The following PXDNL variants were observed in gnomAD, a reference collection of about 807,000 sequenced individuals.
PXDNL encodes probable oxidoreductase PXDNL.
In PXDNL, 145 loss-of-function variants were observed where a neutral mutation model predicts 150.8. The observed-to-expected ratio is 0.96, with a 90% CI of 0.84 to 1.10. The LOEUF is 1.10. Among genes scored for constraint, PXDNL ranks in the 50% least tolerant of loss-of-function variants. The pLI is 0.00. For missense variants in PXDNL, 2,087 were observed against 1,873.9 expected (o/e 1.11, Z -2.10); for synonymous variants, 757 against 725.7 (o/e 1.04, Z -0.69).
intron 1 of PXDNL, among the ~76,000 whole-genome samples, chr8:51,788,096 C>G (rs2037477030): frequency 6.6e-6 from 1 of 152,192 alleles, no homozygotes; most frequent in African/African-American, 2.4e-5. Flanking sequence ...TAATAGGCTA[C>G]AATATAGTGT....
At chr8:51,594,712 C>G (rs942222255) in intron 2 of PXDNL, among the ~76,000 whole-genome samples, 15 of 152,086 alleles carry the variant, frequency 9.9e-5, no homozygotes, top group African/African-American at 2.9e-4. Context: ...TATTTCTTGT[C>G]AAGTTTTATT....
intron 17 of PXDNL, among the ~76,000 whole-genome samples, chr8:51,399,303 A>G (rs28445664): frequency 0.013 from 2,005 of 152,328 alleles, 40 homozygotes; most frequent in African/African-American, 0.045. Flanking sequence ...GCAGTTATTC[A>G]GAAGAGATAA....
intron 17 of PXDNL, among the ~76,000 whole-genome samples, chr8:51,402,684 T>C (rs1309024218): frequency 1.3e-5 from 2 of 152,220 alleles, no homozygotes; most frequent in African/African-American, 4.8e-5. Context: ...AAATGGCCCA[T>C]GGCCTCTCTG....
At chr8:51,501,536 A>G (rs1222258883) in intron 4 of PXDNL, among the ~76,000 whole-genome samples, 1 of 151,838 alleles carries the variant, frequency 6.6e-6, no homozygotes, top group Non-Finnish European at 1.5e-5. Context: ...ACACTCTCAC[A>G]TACACTAACA....
intron 1 of PXDNL, among the ~76,000 whole-genome samples, chr8:51,787,876 A>G (rs1217140754): frequency 6.6e-6 from 1 of 152,220 alleles, no homozygotes; most frequent in Non-Finnish European, 1.5e-5. Flanking sequence ...AAACTTCCTC[A>G]TCTTATTTTA....
At chr8:51,322,520 G>A (rs1385859599) in intron 21 of PXDNL, among the ~76,000 whole-genome samples, 4 of 152,068 alleles carry the variant, frequency 2.6e-5, no homozygotes, top group Non-Finnish European at 5.9e-5. Context: ...CAGTCTCCAG[G>A]CAATGGGAAA....
chr8:51,396,341 G>A (rs6997365), intron 17 of PXDNL, among the ~76,000 whole-genome samples: 22,506 of 152,228 alleles, frequency 0.15, 2,236 homozygotes, highest in East Asian at 0.3. Context: ...CAGGGACGTG[G>A]GAAGACCCAC....
intron 1 of PXDNL, among the ~76,000 whole-genome samples, chr8:51,764,560 ATTG>A (rs1168432083): frequency 8.8e-6 from 1 of 113,776 alleles, no homozygotes; most frequent in Non-Finnish European, 1.6e-5. Flanking sequence ...TCTCTGAATC[ATTG>A]TTTATTTAGA....
At chr8:51,339,867 G>A in intron 20 of PXDNL, 114 bp from the exon 21 acceptor site, 1 of 989,700 alleles carries the variant, frequency 1.0e-6, no homozygotes. Flanking sequence ...TGTGATTGGT[G>A]TTCTTTGTGA....
At position 51,547,357 on chromosome 8, in the gene PXDNL, A is replaced by G. The variant is rs972130281; in HGVS notation, c.380+9483T>C. Among the ~76,000 whole-genome samples, 6 of 152,222 alleles carry G rather than the reference A, an allele frequency of 3.9e-5. No homozygotes were observed. The East Asian group carries it at 1.2e-3, about 29-fold the overall frequency. On this transcript the variant is annotated intron_variant, in intron 4 of 22. Coordinates refer to ENST00000356297, the MANE Select transcript of PXDNL (RefSeq NM_144651.5). ...CAGATCCTGACTCTGGCCATGTGAC[A>G]GCTTCACCACTAGCATAATCAGCAT...
intron 4 of PXDNL, among the ~76,000 whole-genome samples, chr8:51,534,632 G>GC (rs554665534): frequency 0.053 from 2 of 38 alleles, 1 homozygote; most frequent in Non-Finnish European, 0.11. Context: ...GGGGGGATCA[G>GC]CCCCCACTGG....
At chr8:51,695,881 T>C (rs1369446290) in intron 1 of PXDNL, among the ~76,000 whole-genome samples, 1 of 152,198 alleles carries the variant, frequency 6.6e-6, no homozygotes, top group African/African-American at 2.4e-5. Context: ...TATTACTGAG[T>C]ATCCTTCACA....
chr8:51,609,989 T>C (rs1200446603), intron 2 of PXDNL, among the ~76,000 whole-genome samples: 1 of 151,676 alleles, frequency 6.6e-6, no homozygotes, highest in Non-Finnish European at 1.5e-5. Flanking sequence ...GGAGATCAAG[T>C]TGCAAGGTCA....
At chr8:51,402,347 G>A (rs1808278778) in intron 17 of PXDNL, among the ~76,000 whole-genome samples, 2 of 151,954 alleles carry the variant, frequency 1.3e-5, no homozygotes. Context: ...CTAACATGGT[G>A]AGACCCAATC....
intron 1 of PXDNL, among the ~76,000 whole-genome samples, chr8:51,729,072 T>C (rs1056333145): frequency 1.1e-4 from 17 of 152,202 alleles, no homozygotes; most frequent in Non-Finnish European, 1.5e-4. Flanking sequence ...TACAGTAACA[T>C]GCTGTATAGG....
At chr8:51,370,755 C>T (rs891716817) in intron 19 of PXDNL, among the ~76,000 whole-genome samples, 5 of 152,212 alleles carry the variant, frequency 3.3e-5, no homozygotes, top group Admixed American at 6.5e-5. Flanking sequence ...CATCATCACG[C>T]CTGGCTAATT....
intron 1 of PXDNL, among the ~76,000 whole-genome samples, chr8:51,775,213 A>T (rs1290320055): frequency 6.6e-6 from 1 of 152,236 alleles, no homozygotes; most frequent in Non-Finnish European, 1.5e-5. Flanking sequence ...CTAAAATAAG[A>T]AGACTCAGTA....
intron 2 of PXDNL, among the ~76,000 whole-genome samples, chr8:51,641,148 C>A (rs1020712503): frequency 1.3e-5 from 2 of 150,678 alleles, no homozygotes; most frequent in African/African-American, 4.9e-5. Context: ...AACTGGCTAG[C>A]CATATGTAGA....
chr8:51,775,531 A>T (rs13276400), intron 1 of PXDNL, among the ~76,000 whole-genome samples: 1 of 152,062 alleles, frequency 6.6e-6, no homozygotes, highest in Non-Finnish European at 1.5e-5. Context: ...TAAATTGTGA[A>T]GATTTCATGG....
Sources: allele counts gnomAD v4.1 joint callset (sites outside exome capture counted in the v4.1 genomes callset), GRCh38; gene constraint gnomAD v4.1.1; transcripts MANE v1.5; gene names NCBI Gene and HGNC (gene_info 2026-07-23, HGNC 2026-07-21).